Variants in SERINC5 observed in about 807,000 individuals in gnomAD.
SERINC5 encodes the protein chromosome 5 open reading frame 12.
Under a neutral mutation model 63.1 loss-of-function variants are expected in SERINC5, and 41 were observed. The ratio of observed to expected loss-of-function variants is 0.65; its 90% CI spans 0.51 to 0.84. The LOEUF (loss-of-function observed/expected upper bound fraction) is 0.84. Ranked by LOEUF, SERINC5 falls within the 40% of genes least tolerant of loss-of-function variation. The probability of loss-of-function intolerance (pLI) is 0.00; values close to 1 mark genes in which losing one functional copy is unlikely to be tolerated. For missense variants in SERINC5, 523 were observed against 573.0 expected (o/e 0.91, Z 0.89); for synonymous variants, 222 against 215.2 (o/e 1.03, Z -0.28).
chr5:80,123,762 G>C (rs537795302), intron 11 of SERINC5, among the ~76,000 whole-genome samples: 4 of 152,246 alleles, frequency 2.6e-5, no homozygotes, highest in African/African-American at 9.6e-5. Flanking sequence ...GAACGTGCAG[G>C]GTCCATCAGT....
chr5:80,188,450 T>C lies in SERINC5; in HGVS notation c.196-10386A>G, dbSNP rs77608817. Among the ~76,000 whole-genome samples, 1,100 of 152,252 alleles carry C rather than the reference T, an allele frequency of 7.2e-3. 11 individuals are homozygous for C. The highest frequency in any genetic ancestry group is 0.025 in the African/African-American group (1,036 of 41,542). On this transcript the variant is annotated intron_variant, in intron 2 of 11. Transcript: ENST00000507668. ...CATCAATGCCTCAATTCTAACTTGATTGCTTCCCTAGAGGTGCCACTGTCC... is the reference window on the plus strand; with the variant it reads ...CATCAATGCCTCAATTCTAACTTGACTGCTTCCCTAGAGGTGCCACTGTCC...
At chr5:80,215,749 GAAAC>G (rs1750632009) in intron 1 of SERINC5, among the ~76,000 whole-genome samples, 3 of 152,246 alleles carry the variant, frequency 2.0e-5, no homozygotes, top group South Asian at 2.1e-4. Context: ...ACATTTCCAT[GAAAC>G]AAACAGTCAA....
chr5:80,153,615 T>A (rs566491637), intron 8 of SERINC5, among the ~76,000 whole-genome samples: 1 of 152,224 alleles, frequency 6.6e-6, no homozygotes, highest in Non-Finnish European at 1.5e-5. Flanking sequence ...CCTCTTCCTG[T>A]GCTAAGATAG....
intron 2 of SERINC5, among the ~76,000 whole-genome samples, chr5:80,183,597 A>G (rs1468928395): frequency 6.6e-6 from 1 of 152,138 alleles, no homozygotes; most frequent in African/African-American, 2.4e-5. Flanking sequence ...AACTGATGAC[A>G]TTCCACCATT....
intron 1 of SERINC5, among the ~76,000 whole-genome samples, chr5:80,217,907 T>G (rs905560612): frequency 6.6e-6 from 1 of 152,138 alleles, no homozygotes; most frequent in Non-Finnish European, 1.5e-5. Context: ...ACAAATCTAG[T>G]GACAACCATC....
intron 1 of SERINC5, among the ~76,000 whole-genome samples, chr5:80,211,214 C>CT (rs1750415909): frequency 6.6e-6 from 1 of 152,168 alleles, no homozygotes; most frequent in Non-Finnish European, 1.5e-5. Flanking sequence ...ACACGTGAGA[C>CT]AAAATGGCAA....
intron 11 of SERINC5, among the ~76,000 whole-genome samples, chr5:80,115,903 G>T (rs943183887): frequency 1.3e-5 from 2 of 152,052 alleles, no homozygotes; most frequent in African/African-American, 4.8e-5. Context: ...GCTGACAATG[G>T]ATAAAATTAT....
Position 80,146,024 on chromosome 5 carries a change from G to C in SERINC5, c.1238+66C>G, listed in dbSNP as rs979522865. 1.9e-5 allele frequency: 29 copies of C among 1,548,156 alleles called. No individual in the cohort carries two copies. The East Asian group carries it at 6.3e-4, about 34-fold the overall frequency. On this transcript the variant is annotated intron_variant, in intron 11 of 11. Transcript: ENST00000507668. ...GACTCCTTCTCAAACAAACAAACAC[G>C]AACAGTACTTAACTCTTAACTTTAA...
intron 5 of SERINC5, among the ~76,000 whole-genome samples, chr5:80,172,937 C>T (rs979245635): frequency 6.6e-6 from 1 of 152,150 alleles, no homozygotes; most frequent in Non-Finnish European, 1.5e-5. Context: ...CTGAATGTCA[C>T]TTATATTATC....
At chr5:80,196,266 G>T (rs568765227) in intron 2 of SERINC5, among the ~76,000 whole-genome samples, 1 of 152,068 alleles carries the variant, frequency 6.6e-6, no homozygotes, top group Non-Finnish European at 1.5e-5. Flanking sequence ...GCAAGCGAAC[G>T]GGAAGGGCAG....
chr5:80,132,553 A>G (rs1744989062), intron 11 of SERINC5, among the ~76,000 whole-genome samples: 2 of 151,642 alleles, frequency 1.3e-5, no homozygotes, highest in African/African-American at 4.8e-5. Flanking sequence ...GCAATCCTCA[A>G]ATTTGGCCCA....
intron 2 of SERINC5, among the ~76,000 whole-genome samples, chr5:80,186,348 G>C (rs990292379): frequency 1.7e-4 from 26 of 152,146 alleles, no homozygotes; most frequent in African/African-American, 4.6e-4. Context: ...ATGTTGGCCA[G>C]GCTGGTCTCG....
intron 1 of SERINC5, among the ~76,000 whole-genome samples, chr5:80,207,711 A>C (rs958234248): frequency 1.3e-5 from 2 of 152,230 alleles, no homozygotes; most frequent in African/African-American, 4.8e-5. Flanking sequence ...ATGTGTACCT[A>C]TACACACACA....
intron 1 of SERINC5, among the ~76,000 whole-genome samples, chr5:80,233,242 A>C (rs1393510010): frequency 6.6e-6 from 1 of 152,192 alleles, no homozygotes; most frequent in Non-Finnish European, 1.5e-5. Flanking sequence ...CCTGACCAAT[A>C]TGGAGAAACC....
chr5:80,177,987 C>G lies in SERINC5; in HGVS notation c.273G>C (p.Val91=). 4 of 1,612,704 alleles carry G rather than the reference C, an allele frequency of 2.5e-6. No homozygotes were observed. The highest frequency in any genetic ancestry group is 3.4e-6 in the Non-Finnish European group (4 of 1,179,262). Residue 91 remains valine, a synonymous_variant, in exon 3 of 12, where the codon GTG becomes GTC. Transcript: ENST00000507668. ...TCEKLVGYSA[V]YRVCFGMACF... ...AAGCCATTCCAAAACAGACTCTATA[C>G]ACGGCAGAATATCCCACCAGCTTCT...
chr5:80,128,590 G>T (rs60225067), intron 11 of SERINC5, among the ~76,000 whole-genome samples: 4,801 of 152,250 alleles, frequency 0.032, 259 homozygotes, highest in African/African-American at 0.11. Context: ...AAAGGGAACT[G>T]GGGAGAGAGG....
At chr5:80,246,831 T>C (rs1307213577) in intron 1 of SERINC5, among the ~76,000 whole-genome samples, 1 of 152,240 alleles carries the variant, frequency 6.6e-6, no homozygotes, top group Non-Finnish European at 1.5e-5. Flanking sequence ...ATATTCTCAC[T>C]GTAAATGTTT....
At chr5:80,146,264 A>G (rs368729666) in intron 10 of SERINC5, 30 bp from the exon 11 acceptor site, 7 of 1,612,758 alleles carry the variant, frequency 4.3e-6, no homozygotes, top group Middle Eastern at 1.7e-4. Context: ...CCCAGGCTCA[A>G]TGAGTGAATG....
chr5:80,137,945 G>C (rs1162967692), downstream of SERINC5, among the ~76,000 whole-genome samples: 1 of 151,540 alleles, frequency 6.6e-6, no homozygotes, highest in Non-Finnish European at 1.5e-5. Flanking sequence ...CTCAAAAAAA[G>C]GAAAAGTGGT....
Sources: allele counts gnomAD v4.1 joint callset (sites outside exome capture counted in the v4.1 genomes callset), GRCh38; gene constraint gnomAD v4.1.1; transcripts MANE v1.5; gene names NCBI Gene and HGNC (gene_info 2026-07-23, HGNC 2026-07-21).